Variants in ADGRE1 observed in about 807,000 individuals in gnomAD.
ADGRE1 encodes adhesion G protein-coupled receptor E1, also known as EGF-like module receptor 1.
ADGRE1 carries 82 observed loss-of-function variants against 102.7 expected under a neutral mutation model. The observed-to-expected ratio is 0.80, with a 90% CI of 0.67 to 0.96. The LOEUF (loss-of-function observed/expected upper bound fraction) is 0.96. Among genes scored for constraint, ADGRE1 ranks in the 40% least tolerant of loss-of-function variants. The pLI, the probability that ADGRE1 is intolerant of heterozygous loss-of-function variation, is 0.00. For synonymous variants in ADGRE1, 398 were observed against 399.6 expected (o/e 1.00, Z 0.05); for missense variants, 1,032 against 1,085.3 (o/e 0.95, Z 0.69).
chr19:6,928,024 T>G lies in ADGRE1; in HGVS notation c.2223-121T>G, dbSNP rs116931737. 1.8e-4 allele frequency: 232 copies of G among 1,260,296 alleles called. No individual in the cohort carries two copies. The East Asian group carries it at 5.0e-3, about 27-fold the overall frequency. 78.1% of individuals were successfully genotyped at this position (1,260,296 alleles called of 1,614,324 possible). On this transcript the variant is annotated intron_variant, in intron 16 of 20. Transcript: ENST00000312053. ...AACTGAACTGCAACCGGGACCATCC[T>G]GAGCATCATCTGAGTCTCACCTCCC...
In ADGRE1 at chr19:6,924,793, A is replaced by G. The variant is rs757912963; in HGVS notation, c.1907A>G (p.Tyr636Cys). ...LCRSIRNHNTYLHLHLCVCLL... is the reference protein window; with the variant it reads ...LCRSIRNHNTCLHLHLCVCLL... ...CGCTCCATCCGAAATCACAACACCT[A>G]CCTCCACCTGCACCTCTGCGTGTGT... Residue 636 changes from tyrosine to cysteine, a missense_variant, in exon 15 of 21, where the codon TAC becomes TGC. Transcript: ENST00000312053. 4 of 1,613,286 alleles carry G rather than the reference A, an allele frequency of 2.5e-6. No individual in the cohort carries two copies. Among genetic ancestry groups the G allele is most frequent in the African/African-American group, 2.7e-5 (2 of 74,620 alleles).
At chr19:6,918,950 C>T (rs1052897871) in intron 12 of ADGRE1, among the ~76,000 whole-genome samples, 4 of 152,196 alleles carry the variant, frequency 2.6e-5, no homozygotes, top group Non-Finnish European at 5.9e-5. Context: ...GCCTGGAACT[C>T]CTGACCTCAA....
At chr19:6,928,396 C>G in intron 17 of ADGRE1, 185 bp downstream of exon 17, 1 of 1,401,112 alleles carries the variant, frequency 7.1e-7, no homozygotes, top group East Asian at 2.6e-5. Flanking sequence ...GAGGCTGAGG[C>G]GGGTGGATCA....
At chr19:6,913,347 T>C (rs1427433727) in intron 10 of ADGRE1, among the ~76,000 whole-genome samples, 2 of 151,900 alleles carry the variant, frequency 1.3e-5, no homozygotes, top group Non-Finnish European at 2.9e-5. Flanking sequence ...CCCGGCTAAA[T>C]TTTTTTGTAT....
rs774078797 is a variant in ADGRE1, at chr19:6,901,862, T to G, written c.515-13T>G. 6.2e-7 allele frequency: 1 copy of G among 1,613,594 alleles called. No homozygotes were observed. The highest frequency in any genetic ancestry group is 8.5e-7 in the Non-Finnish European group (1 of 1,179,544). Reference sequence around the variant, plus strand: ...CATTTACCTTGACCTGGGTTTTCTCTTCCACTCTTCAGACGTGGATGAATG... The same window carrying G: ...CATTTACCTTGACCTGGGTTTTCTCGTCCACTCTTCAGACGTGGATGAATG... On this transcript the variant is annotated splice_polypyrimidine_tract_variant and intron_variant, in intron 5 of 20. Transcript: ENST00000312053.
intron 10 of ADGRE1, among the ~76,000 whole-genome samples, chr19:6,911,689 G>A (rs1599736376): frequency 6.8e-6 from 1 of 146,950 alleles, no homozygotes; most frequent in Non-Finnish European, 1.5e-5. Context: ...ATACATACAC[G>A]TATACACACG....
chr19:6,899,444 C>T, intron 5 of ADGRE1, among the ~76,000 whole-genome samples: 1 of 152,058 alleles, frequency 6.6e-6, no homozygotes, highest in African/African-American at 2.4e-5. Flanking sequence ...TTTGGGAGGC[C>T]AAGGCGGATG....
At position 6,926,758 on chromosome 19, in the gene ADGRE1, C is replaced by T. The variant is rs572561948; in HGVS notation, c.2222+157C>T. Reference sequence around the variant, plus strand: ...CTATTGGTTTCAGGACCACCATGTACAGCAGCATGGGTTGTGCACTGCACA... The same window carrying T: ...CTATTGGTTTCAGGACCACCATGTATAGCAGCATGGGTTGTGCACTGCACA... On this transcript the variant is annotated intron_variant, in intron 16 of 20. Coordinates refer to ENST00000312053, the MANE Select transcript of ADGRE1 (RefSeq NM_001974.5). Among the ~76,000 whole-genome samples, 15 of 152,290 alleles carry T rather than the reference C, an allele frequency of 9.8e-5. No homozygotes were observed. In the South Asian group the frequency reaches 3.1e-3, roughly 32 times the overall value.
intron 12 of ADGRE1, among the ~76,000 whole-genome samples, chr19:6,916,874 A>T (rs1974408170): frequency 6.6e-6 from 1 of 151,794 alleles, no homozygotes; most frequent in African/African-American, 2.4e-5. Context: ...GCTTATACTG[A>T]GTTAATATAT....
Position 6,887,764 on chromosome 19 carries a change from C to T in ADGRE1, c.31+125C>T, listed in dbSNP as rs565002431. ...AGTCCAGACTGGATGCTGCAAACAC[C>T]TTCATTCAGGGAACCTTTGACAAAA... On this transcript the variant is annotated intron_variant, in intron 1 of 20. Transcript: ENST00000312053. 4 of 1,029,286 alleles carry T rather than the reference C, an allele frequency of 3.9e-6. No homozygotes were observed. In the South Asian group the frequency reaches 5.0e-5, roughly 13 times the overall value. The allele number at this position is 1,029,286 out of a possible 1,614,324, so 63.8% of individuals were successfully genotyped here. A position where few individuals can be genotyped will look rare whatever the true frequency, so the allele number is the denominator to read the frequency against.
chr19:6,898,611 C>A, intron 5 of ADGRE1: 8 of 1,448,856 alleles, frequency 5.5e-6, no homozygotes, highest in Non-Finnish European at 7.7e-6. Context: ...TCACCAGCAG[C>A]GTCTGCCCTG....
At chr19:6,911,558 A>G (rs1325973611) in intron 10 of ADGRE1, among the ~76,000 whole-genome samples, 2 of 151,608 alleles carry the variant, frequency 1.3e-5, no homozygotes, top group African/African-American at 2.4e-5. Flanking sequence ...GTAGATAAGT[A>G]TCTTCCCCTA....
rs539553022 is a variant in ADGRE1, at chr19:6,924,592, G to A, written c.1792-86G>A. 125 of 1,272,056 alleles carry A rather than the reference G, an allele frequency of 9.8e-5. 1 individual carries two copies. In the South Asian group the frequency reaches 1.3e-3, roughly 13 times the overall value. 78.8% of individuals were successfully genotyped at this position (1,272,056 alleles called of 1,614,324 possible). Reference sequence around the variant, plus strand: ...AAATTCCCCCAAGCTAATTTTGCCCGAGCCAGGGTTTTAGATAACTCTTCT... The same window carrying A: ...AAATTCCCCCAAGCTAATTTTGCCCAAGCCAGGGTTTTAGATAACTCTTCT... On this transcript the variant is annotated intron_variant, in intron 14 of 20. Coordinates refer to ENST00000312053, the MANE Select transcript of ADGRE1 (RefSeq NM_001974.5).
At chr19:6,938,787 TTC>T (rs2145047663) in intron 20 of ADGRE1, among the ~76,000 whole-genome samples, 1 of 148,488 alleles carries the variant, frequency 6.7e-6, no homozygotes, top group East Asian at 1.9e-4. Context: ...CTTTCTTTCT[TTC>T]TTTCTTTTTT....
chr19:6,919,676 G>A lies in ADGRE1; in HGVS notation c.1549G>A (p.Gly517Arg). 1 of 1,613,406 alleles carries A rather than the reference G, an allele frequency of 6.2e-7. No homozygotes were observed. The change falls in exon 13 of 21, where the codon GGG becomes AGG. Residue 517 changes from glycine to arginine, a missense_variant. Transcript: ENST00000312053. Reference sequence around the variant, plus strand: ...GCTGAAGATGAATTCTCGAGTCGTTGGGGGCATAATGACTGGAGAGAAGAA... The same window carrying A: ...GCTGAAGATGAATTCTCGAGTCGTTAGGGGCATAATGACTGGAGAGAAGAA... ...IKLKMNSRVV[G>R]GIMTGEKKDG...
At chr19:6,916,505 GTT>G in intron 12 of ADGRE1, 137 bp downstream of exon 12, 2 of 1,152,602 alleles carry the variant, frequency 1.7e-6, no homozygotes, top group Non-Finnish European at 2.4e-6. Flanking sequence ...CTCTCAGAGA[GTT>G]TTCCATGTGC....
chr19:6,933,864 C>G (rs1975268843), intron 17 of ADGRE1, among the ~76,000 whole-genome samples: 2 of 151,700 alleles, frequency 1.3e-5, no homozygotes, highest in African/African-American at 4.9e-5. Flanking sequence ...GTGAACAGGC[C>G]CTGCGCCAGG....
chr19:6,923,881 A>G (rs1974776955), intron 14 of ADGRE1, among the ~76,000 whole-genome samples: 1 of 125,796 alleles, frequency 7.9e-6, no homozygotes, highest in South Asian at 2.7e-4. Context: ...TATCATAGAG[A>G]GGTGCTCATA....
chr19:6,888,141 C>G (rs1973215738), intron 1 of ADGRE1, among the ~76,000 whole-genome samples: 1 of 152,142 alleles, frequency 6.6e-6, no homozygotes, highest in Non-Finnish European at 1.5e-5. Context: ...GCCACTTAGT[C>G]AATAAGGGGT....
Sources: allele counts gnomAD v4.1 joint callset (sites outside exome capture counted in the v4.1 genomes callset), GRCh38; gene constraint gnomAD v4.1.1; transcripts MANE v1.5; gene names NCBI Gene and HGNC (gene_info 2026-07-23, HGNC 2026-07-21).